The following TMEM108 variants were observed in gnomAD, a reference collection of about 807,000 sequenced individuals.
TMEM108 encodes the protein cancer/testis antigen 124.
Under a neutral mutation model 35.1 loss-of-function variants are expected in TMEM108, and 12 were observed. The ratio of observed to expected loss-of-function variants is 0.34; its 90% CI spans 0.22 to 0.55. The LOEUF (loss-of-function observed/expected upper bound fraction) is 0.55. Among genes scored for constraint, TMEM108 ranks in the 20% least tolerant of loss-of-function variants. The pLI is 0.89. For missense variants in TMEM108, 680 were observed against 753.3 expected (o/e 0.90, Z 1.14); for synonymous variants, 287 against 308.6 (o/e 0.93, Z 0.73).
intron 1 of TMEM108, among the ~76,000 whole-genome samples, chr3:133,038,870 G>T (rs1943239009): frequency 6.6e-6 from 1 of 152,220 alleles, no homozygotes; most frequent in African/African-American, 2.4e-5. Flanking sequence ...TGGCCAGCCC[G>T]AGGGACTCGA....
At chr3:133,331,780 G>A (rs1038150817) in intron 3 of TMEM108, among the ~76,000 whole-genome samples, 3 of 152,182 alleles carry the variant, frequency 2.0e-5, no homozygotes, top group Admixed American at 2.0e-4. Context: ...GTACTTGTCA[G>A]GGGAATTCTA....
chr3:133,251,105 G>A (rs1476542929), intron 3 of TMEM108, among the ~76,000 whole-genome samples: 1 of 152,182 alleles, frequency 6.6e-6, no homozygotes, highest in Non-Finnish European at 1.5e-5. Context: ...TCCATGATCA[G>A]TCATTCTGTA....
At chr3:133,047,646 C>T (rs1943356397) in intron 2 of TMEM108, among the ~76,000 whole-genome samples, 2 of 152,208 alleles carry the variant, frequency 1.3e-5, no homozygotes, top group Admixed American at 1.3e-4. Context: ...GAAATGTCTC[C>T]AGACATTGCC....
intron 2 of TMEM108, among the ~76,000 whole-genome samples, chr3:133,195,178 G>T (rs1266704588): frequency 6.6e-6 from 1 of 152,034 alleles, no homozygotes; most frequent in East Asian, 1.9e-4. Context: ...ATAATTTAGA[G>T]GATACTTCCA....
chr3:133,108,080 A>C (rs2107721808), intron 2 of TMEM108, among the ~76,000 whole-genome samples: 1 of 152,264 alleles, frequency 6.6e-6, no homozygotes, highest in East Asian at 1.9e-4. Flanking sequence ...AAAATACAAA[A>C]GTTAGCCAGG....
At chr3:133,310,076 C>A (rs1203273948) in intron 3 of TMEM108, among the ~76,000 whole-genome samples, 1 of 152,112 alleles carries the variant, frequency 6.6e-6, no homozygotes, top group Admixed American at 6.6e-5. Context: ...GATTTCTGTT[C>A]TTTTACATTT....
At chr3:133,276,930 T>A (rs531370424) in intron 3 of TMEM108, among the ~76,000 whole-genome samples, 1 of 152,128 alleles carries the variant, frequency 6.6e-6, no homozygotes, top group African/African-American at 2.4e-5. Flanking sequence ...TGACAGACTA[T>A]GGAGAGGATG....
intron 2 of TMEM108, among the ~76,000 whole-genome samples, chr3:133,059,785 T>G (rs1188940070): frequency 6.6e-6 from 1 of 152,212 alleles, no homozygotes; most frequent in Non-Finnish European, 1.5e-5. Context: ...GTTCCTTTGT[T>G]CTAGTTGTTT....
intron 2 of TMEM108, among the ~76,000 whole-genome samples, chr3:133,051,560 T>C (rs1339409293): frequency 1.3e-5 from 2 of 152,126 alleles, no homozygotes; most frequent in Non-Finnish European, 2.9e-5. Context: ...ATCATGCCTT[T>C]TGTGTTGTAT....
intron 2 of TMEM108, among the ~76,000 whole-genome samples, chr3:133,112,254 G>A (rs1374730383): frequency 6.6e-6 from 1 of 152,064 alleles, no homozygotes; most frequent in East Asian, 1.9e-4. Flanking sequence ...ATATAAAATT[G>A]CCTGTTTTTG....
intron 3 of TMEM108, among the ~76,000 whole-genome samples, chr3:133,281,825 G>T (rs565197086): frequency 6.6e-6 from 1 of 152,234 alleles, no homozygotes; most frequent in Non-Finnish European, 1.5e-5. Context: ...AGACTAAATC[G>T]GTTGAATATC....
At chr3:133,126,833 C>T (rs1028174800) in intron 2 of TMEM108, among the ~76,000 whole-genome samples, 2 of 151,968 alleles carry the variant, frequency 1.3e-5, no homozygotes, top group Non-Finnish European at 2.9e-5. Context: ...TTTAAATCAT[C>T]TTTAGATTAC....
At position 133,313,536 on chromosome 3, in the gene TMEM108, T is replaced by C. The variant is rs142768438; in HGVS notation, c.41-66216T>C. On this transcript the variant is annotated intron_variant, in intron 3 of 5. Transcript: ENST00000321871. ...TTTAAGATACATTTTTAAATAAATA[T>C]TCTTTCTCTTGTCTTTGTCTGACGT... Among the ~76,000 whole-genome samples, 982 of 152,336 alleles carry C rather than the reference T, an allele frequency of 6.4e-3. 12 individuals carry two copies. Among genetic ancestry groups the C allele is most frequent in the African/African-American group, 0.023 (938 of 41,564 alleles).
chr3:133,325,835 A>G (rs2071326374), intron 3 of TMEM108, among the ~76,000 whole-genome samples: 1 of 151,876 alleles, frequency 6.6e-6, no homozygotes, highest in Admixed American at 6.6e-5. Context: ...GAATACTAAT[A>G]ACATTTGATA....
At chr3:133,055,186 C>G (rs1325216031) in intron 2 of TMEM108, among the ~76,000 whole-genome samples, 2 of 152,108 alleles carry the variant, frequency 1.3e-5, no homozygotes, top group Non-Finnish European at 2.9e-5. Context: ...AACATATATC[C>G]ATGTTTCTTC....
chr3:133,395,263 T>A (rs890447645), intron 5 of TMEM108, among the ~76,000 whole-genome samples: 8 of 152,214 alleles, frequency 5.3e-5, no homozygotes, highest in Non-Finnish European at 8.8e-5. Context: ...TCACTAGTGC[T>A]ATAAGAAATG....
At chr3:133,202,197 T>C (rs1426410165) in intron 2 of TMEM108, among the ~76,000 whole-genome samples, 1 of 152,038 alleles carries the variant, frequency 6.6e-6, no homozygotes, top group Non-Finnish European at 1.5e-5. Flanking sequence ...TCTGGAGCCC[T>C]TTGTCAGATG....
chr3:133,335,870 G>A (rs1006179596), intron 3 of TMEM108, among the ~76,000 whole-genome samples: 11 of 152,168 alleles, frequency 7.2e-5, no homozygotes, highest in Non-Finnish European at 1.0e-4. Context: ...GGAGCTGCAC[G>A]GCACGGAGAA....
intron 3 of TMEM108, among the ~76,000 whole-genome samples, chr3:133,260,879 TA>T (rs1946613736): frequency 6.6e-6 from 1 of 152,108 alleles, no homozygotes; most frequent in South Asian, 2.1e-4. Context: ...ATCTTGGAAG[TA>T]AAGTCAAAAG....
Sources: gnomAD v4.1 joint callset for allele counts (sites outside exome capture counted in the v4.1 genomes callset) on GRCh38, gnomAD v4.1.1 for gene constraint, MANE v1.5 for transcripts, NCBI Gene and HGNC (gene_info 2026-07-23, HGNC 2026-07-21) for gene names.